ETV1: variants seen among roughly 807,000 people sequenced by gnomAD.
ETV1 encodes ETS translocation variant 1.
Under a neutral mutation model 62.3 loss-of-function variants are expected in ETV1, and 27 were observed. The observed-to-expected ratio is 0.43, with a 90% CI of 0.32 to 0.60. The LOEUF is 0.60. Ranked by LOEUF, ETV1 falls within the 20% of genes least tolerant of loss-of-function variation. ETV1 has a pLI of 0.06. For missense variants in ETV1, 605 were observed against 605.8 expected, an observed-to-expected ratio of 1.00 and a Z score of 0.01; for synonymous variants, 222 against 199.6, an observed-to-expected ratio of 1.11 and a Z score of -0.94.
rs1489794734 is a variant in ETV1 at position 13,895,446 on chromosome 7, A to G, written c.*420T>C. ...ACAGGGGAAAATGCCCAAGGCAAATAGTCTCCAAGTGGATATTTACACAAC... is the reference window on the plus strand; with the variant it reads ...ACAGGGGAAAATGCCCAAGGCAAATGGTCTCCAAGTGGATATTTACACAAC... On this transcript the variant is annotated 3_prime_UTR_variant, in exon 14 of 14. Coordinates refer to ENST00000430479, the MANE Select transcript of ETV1 (RefSeq NM_004956.5). 8.3e-6 allele frequency: 2 copies of G among 241,488 alleles called. No individual in the cohort carries two copies. The highest frequency in any genetic ancestry group is 1.2e-3 in the Middle Eastern group (1 of 822). The allele number at this position is 241,488 out of a possible 1,614,324, so 15.0% of individuals were successfully genotyped here. A position where few individuals can be genotyped will look rare whatever the true frequency, so the allele number is the denominator to read the frequency against.
intron 6 of ETV1, among the ~76,000 whole-genome samples, chr7:13,950,608 A>T (rs932175968): frequency 3.9e-5 from 6 of 152,138 alleles, no homozygotes; most frequent in African/African-American, 1.4e-4. Context: ...AGACTTAAAA[A>T]TTCAACTGTC....
chr7:13,937,216 G>T (rs1786903293), intron 7 of ETV1, among the ~76,000 whole-genome samples: 1 of 152,180 alleles, frequency 6.6e-6, no homozygotes, highest in Non-Finnish European at 1.5e-5. Context: ...AATATATGCT[G>T]CACAAGGCAG....
In ETV1 at chr7:13,940,803, C is replaced by G. The variant is rs552822070; in HGVS notation, c.236-1557G>C. 9.2e-5 allele frequency among the ~76,000 whole-genome samples: 14 copies of G among 152,252 alleles called. No homozygotes were observed. In the South Asian group the frequency reaches 2.9e-3, roughly 32 times the overall value. On this transcript the variant is annotated intron_variant, in intron 6 of 13. Coordinates refer to ENST00000430479, the MANE Select transcript of ETV1 (RefSeq NM_004956.5). ...TTTTTAACATAAAAATTTGATATCACAAACTACCAAGCTTCAGGAAAACAA... is the reference window on the plus strand; with the variant it reads ...TTTTTAACATAAAAATTTGATATCAGAAACTACCAAGCTTCAGGAAAACAA...
intron 9 of ETV1, among the ~76,000 whole-genome samples, chr7:13,914,073 C>T (rs890049265): frequency 1.5e-4 from 23 of 151,464 alleles, no homozygotes; most frequent in Non-Finnish European, 2.5e-4. Context: ...TTAGTAGAGA[C>T]GGGGTTTCAC....
chr7:13,981,561 A>G (rs1019666846), intron 5 of ETV1, among the ~76,000 whole-genome samples: 4 of 152,066 alleles, frequency 2.6e-5, no homozygotes, highest in African/African-American at 9.7e-5. Flanking sequence ...ACACAAATAC[A>G]TACATGCATC....
chr7:13,946,122 C>G lies in ETV1; in HGVS notation c.236-6876G>C, dbSNP rs1443791571. On this transcript the variant is annotated intron_variant, in intron 6 of 13. Transcript: ENST00000430479. ...TGAGTTGACTCCTTCATTTCATTTG[C>G]AAAGTGGTGGTTCAAAATGATATTA... Among the ~76,000 whole-genome samples, 2 of 152,164 alleles carry G rather than the reference C, an allele frequency of 1.3e-5. 1 individual carries two copies. The highest frequency in any genetic ancestry group is 1.3e-4 in the Admixed American group (2 of 15,276).
chr7:13,953,404 A>G (rs1789050415), intron 6 of ETV1, among the ~76,000 whole-genome samples: 1 of 152,208 alleles, frequency 6.6e-6, no homozygotes, highest in Non-Finnish European at 1.5e-5. Context: ...AAAGTTCCAA[A>G]AATAAAAATC....
At chr7:13,924,895 T>C (rs1020482887) in intron 9 of ETV1, among the ~76,000 whole-genome samples, 1 of 151,952 alleles carries the variant, frequency 6.6e-6, no homozygotes, top group Non-Finnish European at 1.5e-5. Context: ...TTGTGTCAAC[T>C]TCCCAGTTTA....
Position 13,919,565 on chromosome 7 carries a change from T to TACACACACACAC in ETV1, c.803-8270_803-8259dup, listed in dbSNP as rs35735011. Among the ~76,000 whole-genome samples the TACACACACACAC allele has an allele frequency of 6.0e-4, 81 of 135,468 alleles. 1 individual carries two copies. The East Asian group carries it at 8.9e-3, about 15-fold the overall frequency. 88.9% of individuals were successfully genotyped at this position (135,468 alleles called of 152,430 possible). ...GTTAGAAACAACTAAATAGAAACCATACACACACACACACACACACACACA... is the reference window on the plus strand; with the variant it reads ...GTTAGAAACAACTAAATAGAAACCATACACACACACACACACACACACACACACACACACACA... On this transcript the variant is annotated intron_variant, in intron 9 of 13. Coordinates refer to ENST00000430479, the MANE Select transcript of ETV1 (RefSeq NM_004956.5).
chr7:13,903,537 C>T (rs545773918), intron 12 of ETV1, among the ~76,000 whole-genome samples: 1 of 151,916 alleles, frequency 6.6e-6, no homozygotes, highest in African/African-American at 2.4e-5. Flanking sequence ...CTGAGGTGGG[C>T]AGATCACCTG....
At chr7:13,953,024 C>G (rs913368192) in intron 6 of ETV1, among the ~76,000 whole-genome samples, 3 of 152,180 alleles carry the variant, frequency 2.0e-5, no homozygotes, top group Non-Finnish European at 2.9e-5. Context: ...AATGTATGAA[C>G]AATCCAAATC....
intron 5 of ETV1, among the ~76,000 whole-genome samples, chr7:13,980,479 C>G (rs1038240708): frequency 6.6e-6 from 1 of 152,056 alleles, no homozygotes; most frequent in Non-Finnish European, 1.5e-5. Flanking sequence ...CCACTACTAT[C>G]TATTATAAAC....
chr7:13,959,780 G>A (rs938246500), intron 6 of ETV1, among the ~76,000 whole-genome samples: 1 of 151,380 alleles, frequency 6.6e-6, no homozygotes, highest in Non-Finnish European at 1.5e-5. Flanking sequence ...CTACTCGGGA[G>A]GCTGAGGCAG....
chr7:13,966,504 C>T (rs1780303481), intron 6 of ETV1, among the ~76,000 whole-genome samples: 2 of 152,058 alleles, frequency 1.3e-5, no homozygotes, highest in East Asian at 3.9e-4. Flanking sequence ...GATGGTGGTG[C>T]ATGCCTATGG....
intron 6 of ETV1, among the ~76,000 whole-genome samples, chr7:13,975,930 G>A (rs138106072): frequency 6.6e-6 from 1 of 152,288 alleles, no homozygotes; most frequent in Non-Finnish European, 1.5e-5. Flanking sequence ...CAGACGACGT[G>A]TTTAGCTTTT....
chr7:13,901,327 G>A lies in ETV1; in HGVS notation c.1111-488C>T, dbSNP rs115754180. On this transcript the variant is annotated intron_variant, in intron 12 of 13. Coordinates refer to ENST00000430479, the MANE Select transcript of ETV1 (RefSeq NM_004956.5). ...GCCTGGTTTGCATTTTAAACCAGGC[G>A]TGCAGTGATCCTTCTAAAACACCAC... Among the ~76,000 whole-genome samples, 480 of 152,130 alleles carry A rather than the reference G, an allele frequency of 3.2e-3. 3 individuals carry two copies. The highest frequency in any genetic ancestry group is 0.011 in the African/African-American group (441 of 41,514).
At chr7:13,896,778 A>AAGAAAGAAAGAAAG (rs1279578364) in intron 13 of ETV1, among the ~76,000 whole-genome samples, 6 of 151,746 alleles carry the variant, frequency 4.0e-5, no homozygotes, top group Admixed American at 3.9e-4. Flanking sequence ...GAAAGAAAGA[A>AAGAAAGAAAGAAAG]AGAAAGAAAG....
At chr7:13,952,366 A>C (rs769396449) in intron 6 of ETV1, among the ~76,000 whole-genome samples, 3 of 152,216 alleles carry the variant, frequency 2.0e-5, no homozygotes, top group Non-Finnish European at 2.9e-5. Flanking sequence ...GGTCTGGTAC[A>C]AGAATTCCAA....
At chr7:13,926,843 G>A (rs1785480280) in intron 9 of ETV1, among the ~76,000 whole-genome samples, 1 of 151,956 alleles carries the variant, frequency 6.6e-6, no homozygotes, top group South Asian at 2.1e-4. Context: ...TCTTCTGATT[G>A]AAGTCTTTTT....
Sources: allele counts gnomAD v4.1 joint callset (sites outside exome capture counted in the v4.1 genomes callset), GRCh38; gene constraint gnomAD v4.1.1; transcripts MANE v1.5; gene names NCBI Gene and HGNC (gene_info 2026-07-23, HGNC 2026-07-21).